AKAP13: variants seen among roughly 807,000 people sequenced by gnomAD.
The protein encoded by AKAP13 is A-kinase anchoring protein 13.
AKAP13 carries 80 observed loss-of-function variants against 264.5 expected under a neutral mutation model. The observed-to-expected ratio is 0.30, with a 90% CI of 0.25 to 0.36. AKAP13 has a LOEUF of 0.36. AKAP13 is among the 10% of genes least tolerant of loss of function. The pLI, the probability that AKAP13 is intolerant of heterozygous loss-of-function variation, is 1.00. For synonymous variants in AKAP13, 1,380 were observed against 1,250.2 expected (o/e 1.10, Z -2.19); for missense variants, 3,712 against 3,435.2 (o/e 1.08, Z -2.01).
At chr15:85,521,270 G>A (rs1050673191) in intron 2 of AKAP13, among the ~76,000 whole-genome samples, 158 bp from the exon 3 acceptor site, 9 of 152,218 alleles carry the variant, frequency 5.9e-5, no homozygotes, top group Non-Finnish European at 1.0e-4. Flanking sequence ...ATTGCCTGGT[G>A]TATAAGTGCT....
chr15:85,738,623 G>A (rs893525310), intron 33 of AKAP13, among the ~76,000 whole-genome samples: 10 of 151,840 alleles, frequency 6.6e-5, no homozygotes, highest in African/African-American at 2.4e-4. Context: ...TGGATCATGA[G>A]GTCAGGAGAT....
intron 8 of AKAP13, among the ~76,000 whole-genome samples, chr15:85,632,107 C>T (rs747875351): frequency 1.8e-4 from 27 of 152,132 alleles, no homozygotes; most frequent in Non-Finnish European, 3.1e-4. Flanking sequence ...TTGTTCCGTA[C>T]TTGCAAGCTG....
intron 5 of AKAP13, among the ~76,000 whole-genome samples, chr15:85,561,167 C>T (rs1046562486): frequency 3.3e-5 from 5 of 151,756 alleles, no homozygotes; most frequent in African/African-American, 1.2e-4. Flanking sequence ...AAGTGATTCT[C>T]CTGCCTCAGC....
intron 10 of AKAP13, among the ~76,000 whole-genome samples, chr15:85,646,961 G>A (rs140011836): frequency 6.6e-6 from 1 of 152,332 alleles, no homozygotes; most frequent in East Asian, 1.9e-4. Flanking sequence ...TTTTCTTAAT[G>A]GTAAGGAGGT....
chr15:85,646,099 G>A, intron 10 of AKAP13, 145 bp downstream of exon 10: 2 of 1,085,106 alleles, frequency 1.8e-6, no homozygotes, highest in South Asian at 3.2e-5. Context: ...TTGTGATCCA[G>A]CTAGCCTTGT....
chr15:85,552,620 T>G (rs2077996274), intron 5 of AKAP13, among the ~76,000 whole-genome samples: 1 of 135,258 alleles, frequency 7.4e-6, no homozygotes, highest in African/African-American at 2.6e-5. Context: ...TATCATCGTT[T>G]TTTTGGCCTT....
chr15:85,390,711 G>A (rs2070815355), intron 1 of AKAP13, among the ~76,000 whole-genome samples: 1 of 152,210 alleles, frequency 6.6e-6, no homozygotes, highest in Non-Finnish European at 1.5e-5. Flanking sequence ...AGCGAAAGTG[G>A]TGAGAAGCGG....
At chr15:85,457,194 A>G (rs2074309657) in intron 1 of AKAP13, among the ~76,000 whole-genome samples, 1 of 152,218 alleles carries the variant, frequency 6.6e-6, no homozygotes, top group African/African-American at 2.4e-5. Context: ...AAATAGTAAG[A>G]GGCATGTCTA....
At chr15:85,622,797 A>G (rs553700667) in intron 8 of AKAP13, among the ~76,000 whole-genome samples, 1 of 152,338 alleles carries the variant, frequency 6.6e-6, no homozygotes, top group South Asian at 2.1e-4. Context: ...ACTGTTTTCA[A>G]AGTCCATGTT....
At chr15:85,617,534 C>G (rs905614555) in intron 8 of AKAP13, among the ~76,000 whole-genome samples, 3 of 152,194 alleles carry the variant, frequency 2.0e-5, no homozygotes, top group African/African-American at 7.2e-5. Flanking sequence ...GCCACCGCGC[C>G]CAGCCGGTAG....
intron 1 of AKAP13, among the ~76,000 whole-genome samples, chr15:85,391,223 A>C (rs932148002): frequency 6.6e-6 from 1 of 152,240 alleles, no homozygotes; most frequent in African/African-American, 2.4e-5. Flanking sequence ...ATTAGTTAGG[A>C]TTCTAAACAT....
chr15:85,588,961 G>T (rs962411463), intron 8 of AKAP13, among the ~76,000 whole-genome samples: 2 of 152,154 alleles, frequency 1.3e-5, no homozygotes, highest in East Asian at 1.9e-4. Flanking sequence ...TGCTTCCACC[G>T]TGTAGAGTTG....
rs932761315 is a variant in AKAP13 at position 85,503,589 on chromosome 15, G to A, written c.33+17836G>A. 2.6e-5 allele frequency among the ~76,000 whole-genome samples: 4 copies of A among 152,280 alleles called. No individual in the cohort carries two copies. In the South Asian group the frequency reaches 8.3e-4, roughly 32 times the overall value. On this transcript the variant is annotated intron_variant, in intron 2 of 36. Coordinates refer to ENST00000394518, the MANE Select transcript of AKAP13 (RefSeq NM_007200.5). ...GGGCTCCGTGACTTAGGCATTGCTG[G>A]TGCAGAGATGACGATTGTGCAAACC...
chr15:85,595,707 T>C (rs966855239), intron 8 of AKAP13, among the ~76,000 whole-genome samples: 3 of 152,162 alleles, frequency 2.0e-5, no homozygotes, highest in African/African-American at 7.2e-5. Flanking sequence ...TTTCCAGCCT[T>C]GTAGTTATTT....
rs201893298 is a variant in AKAP13, at chr15:85,719,317, T to G, written c.6243T>G (p.Leu2081=). 97 of 1,614,094 alleles carry G rather than the reference T, an allele frequency of 6.0e-5. 2 individuals are homozygous for G. The Admixed American group carries it at 1.3e-3, about 22-fold the overall frequency. Residue 2081 remains leucine, a synonymous_variant, in exon 23 of 37, where the codon CTT becomes CTG. Transcript: ENST00000394518. The part of the protein sequence containing the change: ...NFLIKRIGDV[L]VNQFSGENAE... ...TCATCAAGAGGATAGGGGATGTGCTTGTAAATCAGGTGAGAATGGGAAGGA... is the reference window on the plus strand; with the variant it reads ...TCATCAAGAGGATAGGGGATGTGCTGGTAAATCAGGTGAGAATGGGAAGGA...
At chr15:85,472,198 TA>T (rs33991348) in intron 1 of AKAP13, among the ~76,000 whole-genome samples, 12 of 138,248 alleles carry the variant, frequency 8.7e-5, no homozygotes, top group African/African-American at 1.2e-4. Context: ...TATACTAGGT[TA>T]AAAAAAAAAC....
intron 1 of AKAP13, among the ~76,000 whole-genome samples, chr15:85,435,247 G>T (rs1178801911): frequency 6.7e-6 from 1 of 150,022 alleles, no homozygotes; most frequent in Non-Finnish European, 1.5e-5. Context: ...GAAATGAAGC[G>T]AGAAGGGAAG....
rs2089359213 is a variant in AKAP13 at position 85,746,049 on chromosome 15, C to CT, written c.*1373dup. ...GGACAGTTCATGGTAATGTTGCCCT[C>CT]TGAGGCCCCGTACACCAGAAGGGAG... is the stretch of plus-strand genomic sequence containing the variant. On this transcript the variant is annotated 3_prime_UTR_variant, in exon 37 of 37. Transcript: ENST00000394518. The CT allele has an allele frequency of 6.6e-6, 1 of 152,314 alleles. No individual in the cohort carries two copies. Among genetic ancestry groups the CT allele is most frequent in the African/African-American group, 2.4e-5 (1 of 41,432 alleles). 9.4% of individuals were successfully genotyped at this position (152,314 alleles called of 1,614,324 possible).
Position 85,427,042 on chromosome 15 carries a change from A to G in AKAP13, c.-12+46244A>G, listed in dbSNP as rs1396389256. Among the ~76,000 whole-genome samples, 14 of 138,804 alleles carry G rather than the reference A, an allele frequency of 1.0e-4. No individual in the cohort carries two copies. In the Admixed American group the frequency reaches 1.0e-3, roughly 10 times the overall value. 91.1% of individuals were successfully genotyped at this position (138,804 alleles called of 152,430 possible). ...GCCATCTCGGCTCACTGCAAACTCT[A>G]CCTCCTGGGTTCACGCCATTCTCCT... On this transcript the variant is annotated intron_variant, in intron 1 of 36. Transcript: ENST00000394518.
Sources: allele counts gnomAD v4.1 joint callset (sites outside exome capture counted in the v4.1 genomes callset), GRCh38; gene constraint gnomAD v4.1.1; transcripts MANE v1.5; gene names NCBI Gene and HGNC (gene_info 2026-07-23, HGNC 2026-07-21).